The following PSMA1 variants were observed in gnomAD, a reference collection of about 807,000 sequenced individuals.
PSMA1 encodes the protein proteasome 20S subunit alpha 1, also known as proteasome subunit alpha type-1.
A neutral mutation model predicts 38.4 loss-of-function variants in PSMA1; 3 were observed. The observed-to-expected ratio is 0.08, with a 90% CI of 0.04 to 0.20. The LOEUF is 0.20. Among genes scored for constraint, PSMA1 ranks in the 10% least tolerant of loss-of-function variants. The pLI, the probability that PSMA1 is intolerant of heterozygous loss-of-function variation, is 1.00. For synonymous variants in PSMA1, 101 were observed against 107.1 expected, an observed-to-expected ratio of 0.94 and a Z score of 0.35; for missense variants, 227 against 325.3, an observed-to-expected ratio of 0.70 and a Z score of 2.32.
At chr11:14,507,799 G>A in intron 8 of PSMA1, 33 bp from the exon 9 acceptor site, 2 of 1,352,876 alleles carry the variant, frequency 1.5e-6, no homozygotes, top group Non-Finnish European at 2.1e-6. Flanking sequence ...AGTAAAATAA[G>A]AGAATTTGGA....
At chr11:14,601,530 C>A (rs139621649) in intron 2 of PSMA1, among the ~76,000 whole-genome samples, 55 of 152,238 alleles carry the variant, frequency 3.6e-4, no homozygotes, top group African/African-American at 1.3e-3. Context: ...AAACTCTCTC[C>A]GACTCAGTCT....
chr11:14,509,302 T>A (rs1399203365), intron 8 of PSMA1, among the ~76,000 whole-genome samples: 1 of 152,114 alleles, frequency 6.6e-6, no homozygotes, highest in Admixed American at 6.6e-5. Context: ...CATTCCCCCC[T>A]CACACCCTAT....
chr11:14,521,603 T>G (rs1011147144), upstream of PSMA1, among the ~76,000 whole-genome samples: 5 of 150,654 alleles, frequency 3.3e-5, no homozygotes, highest in East Asian at 9.8e-4. Flanking sequence ...GCCAACATGG[T>G]AAAACCCCGT....
chr11:14,514,439 G>A lies in PSMA1; in HGVS notation c.307C>T (p.Leu103=), dbSNP rs201130084. 5 of 1,607,812 alleles carry A rather than the reference G, an allele frequency of 3.1e-6. No individual in the cohort carries two copies. Among genetic ancestry groups the A allele is most frequent in the African/African-American group, 2.7e-5 (2 of 74,660 alleles). ...AGAGATACAAGACGAGACACAGGCA[G>A]TGGTCTATCGAATACAAATCTGGAA... ...LDSRFVFDRP[L]PVSRLVSLIG... The change falls in exon 5 of 10, where the codon CTG becomes TTG. Residue 103 remains leucine (L), a synonymous_variant. Coordinates refer to ENST00000396394, the MANE Select transcript of PSMA1 (RefSeq NM_002786.4).
At chr11:14,516,487 C>T (rs940695199) in intron 4 of PSMA1, among the ~76,000 whole-genome samples, 2 of 152,190 alleles carry the variant, frequency 1.3e-5, no homozygotes, top group African/African-American at 4.8e-5. Context: ...GCCAGGCCCA[C>T]CCTTATAATT....
chr11:14,574,031 T>C (rs1453490778), intron 2 of PSMA1, among the ~76,000 whole-genome samples: 1 of 152,146 alleles, frequency 6.6e-6, no homozygotes, highest in African/African-American at 2.4e-5. Context: ...AACAAAGAAA[T>C]AACCTGAAAC....
chr11:14,546,022 G>A (rs373273665), intron 2 of PSMA1, among the ~76,000 whole-genome samples: 16 of 152,188 alleles, frequency 1.1e-4, no homozygotes, highest in East Asian at 7.7e-4. Context: ...GACTCCTTTG[G>A]GGGGGTCCAT....
intron 2 of PSMA1, among the ~76,000 whole-genome samples, chr11:14,525,537 T>C (rs1444832167): frequency 1.3e-5 from 2 of 152,150 alleles, no homozygotes; most frequent in African/African-American, 4.8e-5. Flanking sequence ...AAACTCTCCT[T>C]ACAATTCCCC....
At chr11:14,621,812 G>T (rs1852846940) in intron 1 of PSMA1, among the ~76,000 whole-genome samples, 1 of 152,166 alleles carries the variant, frequency 6.6e-6, no homozygotes, top group South Asian at 2.1e-4. Flanking sequence ...TGGTCAAGGA[G>T]TTAGCTTAAT....
chr11:14,537,635 A>G (rs986016558), intron 2 of PSMA1, among the ~76,000 whole-genome samples: 7 of 150,958 alleles, frequency 4.6e-5, no homozygotes, highest in African/African-American at 1.7e-4. Context: ...ATATAACATT[A>G]TTAAATATAA....
intron 2 of PSMA1, among the ~76,000 whole-genome samples, chr11:14,560,364 G>A (rs1851994505): frequency 6.6e-6 from 1 of 152,146 alleles, no homozygotes; most frequent in African/African-American, 2.4e-5. Flanking sequence ...TCTGAAAGTT[G>A]CCACTGATAC....
chr11:14,571,129 C>T lies in PSMA1; in HGVS notation c.21+39837G>A, dbSNP rs569649359. On this transcript the variant is annotated intron_variant, in intron 2 of 10. Transcript: ENST00000418988. ...CCAGGCAGGAGTGTACTGGCGAGAT[C>T]GCGGATCATGGCAAGCTCCACCTCC... 3.4e-4 allele frequency among the ~76,000 whole-genome samples: 51 copies of T among 152,168 alleles called. 1 individual carries two copies. The highest frequency in any genetic ancestry group is 6.5e-4 in the Non-Finnish European group (44 of 68,022).
chr11:14,513,503 T>C (rs958580413), intron 7 of PSMA1, 67 bp downstream of exon 7: 6 of 1,289,238 alleles, frequency 4.7e-6, no homozygotes, highest in South Asian at 5.2e-5. Context: ...TAGGATACTA[T>C]GTTTATTTAC....
intron 2 of PSMA1, among the ~76,000 whole-genome samples, chr11:14,597,999 G>A (rs1350870864): frequency 2.0e-5 from 3 of 152,038 alleles, no homozygotes; most frequent in East Asian, 1.9e-4. Context: ...CCTTCATTTC[G>A]TTATTTACCC....
intron 1 of PSMA1, among the ~76,000 whole-genome samples, chr11:14,622,002 T>C (rs1356144300): frequency 6.6e-6 from 1 of 152,226 alleles, no homozygotes; most frequent in Non-Finnish European, 1.5e-5. Flanking sequence ...TTAGTAGGCA[T>C]CTTCTTGAAT....
At chr11:14,506,010 CA>C (rs974970033) in intron 9 of PSMA1, among the ~76,000 whole-genome samples, 4 of 151,846 alleles carry the variant, frequency 2.6e-5, no homozygotes, top group African/African-American at 9.7e-5. Flanking sequence ...GACCTTGTCT[CA>C]AAAAACAACA....
At chr11:14,642,495 T>C (rs1853224489) in intron 1 of PSMA1, among the ~76,000 whole-genome samples, 1 of 152,260 alleles carries the variant, frequency 6.6e-6, no homozygotes, top group Admixed American at 6.5e-5. Context: ...TAGTGCCTTT[T>C]GCTATGCATG....
intron 2 of PSMA1, among the ~76,000 whole-genome samples, chr11:14,599,491 T>C (rs1278111316): frequency 1.3e-5 from 2 of 152,208 alleles, no homozygotes; most frequent in African/African-American, 2.4e-5. Flanking sequence ...ATTAATTTGA[T>C]CTTCAGTAAC....
rs966605844 is a variant in PSMA1, at chr11:14,633,763, C to T, written c.-166+9692G>A. The stretch of plus-strand genomic sequence containing the variant: ...TAACTGCCGCCTTGCAGTTTGATCT[C>T]AGACTGCTGTGCTAGCAATCAGTGA... On this transcript the variant is annotated intron_variant, in intron 1 of 10. Transcript: ENST00000418988. Among the ~76,000 whole-genome samples, 4 of 152,180 alleles carry T rather than the reference C, an allele frequency of 2.6e-5. No homozygotes were observed. The South Asian group carries it at 8.3e-4, about 31-fold the overall frequency.
Sources: allele counts gnomAD v4.1 joint callset (sites outside exome capture counted in the v4.1 genomes callset), GRCh38; gene constraint gnomAD v4.1.1; transcripts MANE v1.5; gene names NCBI Gene and HGNC (gene_info 2026-07-23, HGNC 2026-07-21).